Variants in ABCB1 observed in about 807,000 individuals in gnomAD.
ABCB1 encodes the protein ATP-dependent translocase ABCB1.
Under a neutral mutation model 142.0 loss-of-function variants are expected in ABCB1, and 69 were observed. The ratio of observed to expected loss-of-function variants is 0.49; its 90% CI spans 0.40 to 0.59. The LOEUF is 0.59. Ranked by LOEUF, ABCB1 falls within the 20% of genes least tolerant of loss-of-function variation. The probability of loss-of-function intolerance (pLI) is 0.00; values close to 1 mark genes in which losing one functional copy is unlikely to be tolerated. For synonymous variants in ABCB1, 532 were observed against 539.2 expected (o/e 0.99, Z 0.18); for missense variants, 1,326 against 1,554.7 (o/e 0.85, Z 2.47).
At chr7:87,639,701 A>G (rs1377052541) in intron 1 of ABCB1, among the ~76,000 whole-genome samples, 1 of 152,124 alleles carries the variant, frequency 6.6e-6, no homozygotes, top group Admixed American at 6.5e-5. Context: ...TAATACAGTT[A>G]TAATAGCTTT....
chr7:87,645,742 G>A (rs1200211740), intron 1 of ABCB1, among the ~76,000 whole-genome samples: 2 of 152,124 alleles, frequency 1.3e-5, no homozygotes, highest in East Asian at 3.8e-4. Flanking sequence ...CTTAGTTACT[G>A]TGTTATGAAG....
At chr7:87,688,117 A>G (rs1354210534) in intron 1 of ABCB1, among the ~76,000 whole-genome samples, 1 of 152,160 alleles carries the variant, frequency 6.6e-6, no homozygotes, top group East Asian at 1.9e-4. Flanking sequence ...GGCCACTCTG[A>G]GAAACACCCT....
At chr7:87,645,249 AT>A (rs1281504865) in intron 1 of ABCB1, among the ~76,000 whole-genome samples, 1 of 151,848 alleles carries the variant, frequency 6.6e-6, no homozygotes, top group East Asian at 1.9e-4. Flanking sequence ...CAACCAGCTA[AT>A]TTTTTGTATT....
chr7:87,583,281 A>G (rs1300126602), intron 4 of ABCB1, among the ~76,000 whole-genome samples: 1 of 152,238 alleles, frequency 6.6e-6, no homozygotes, highest in African/African-American at 2.4e-5. Flanking sequence ...CAACTTAATA[A>G]CTAAAGTATG....
rs56871767 is a variant in ABCB1 at position 87,549,399 on chromosome 7, C to T, written c.1674G>A (p.Thr558=). 6.9e-5 allele frequency: 112 copies of T among 1,614,072 alleles called. No individual in the cohort carries two copies. The highest frequency in any genetic ancestry group is 5.5e-4 in the Admixed American group (33 of 60,014). ...NPKILLLDEA[T]SALDTESEAV... ...CTTCGCTTTCTGTGTCCAAGGCTGA[C>T]GTGGCCTCATCCAGCAGGAGGATCT... Residue 558 remains threonine (T), a synonymous_variant, in exon 14 of 28, where the codon ACG becomes ACA. Transcript: ENST00000622132.
Position 87,694,046 on chromosome 7 carries a change from T to G in ABCB1, c.-331+19115A>C, listed in dbSNP as rs2130659464. ...GGGGAGGGCTGTATCAGTTAAGTGA[T>G]CTTTTTTAGTACATTGCATGGGTTT... On this transcript the variant is annotated intron_variant, in intron 1 of 28. Transcript: ENST00000265724. 4 of 1,572,190 alleles carry G rather than the reference T, an allele frequency of 2.5e-6. No homozygotes were observed. In the South Asian group the frequency reaches 4.8e-5, roughly 19 times the overall value.
intron 1 of ABCB1, among the ~76,000 whole-genome samples, chr7:87,673,325 T>C (rs560227526): frequency 5.0e-4 from 76 of 152,346 alleles, no homozygotes; most frequent in African/African-American, 1.7e-3. Flanking sequence ...CCAATTTCCT[T>C]GCTTTGTCTC....
Position 87,538,602 on chromosome 7 carries a change from C to A in ABCB1, c.2397+666G>T, listed in dbSNP as rs993866875. Among the ~76,000 whole-genome samples, 17 of 152,134 alleles carry A rather than the reference C, an allele frequency of 1.1e-4. 1 individual carries two copies. The highest frequency in any genetic ancestry group is 2.5e-4 in the Non-Finnish European group (17 of 68,032). ...TTTTTAAAACGGAAAGTTATTAGGT[C>A]ACATACAAAATTTTCATGATTGTTA... On this transcript the variant is annotated intron_variant, in intron 19 of 27. Transcript: ENST00000622132.
intron 2 of ABCB1, among the ~76,000 whole-genome samples, chr7:87,596,211 T>C (rs1476032604): frequency 6.6e-6 from 1 of 152,050 alleles, no homozygotes; most frequent in African/African-American, 2.4e-5. Flanking sequence ...ATCCCCTTAA[T>C]TGTCATTTGA....
chr7:87,545,727 G>T, intron 15 of ABCB1, 136 bp downstream of exon 15: 4 of 868,534 alleles, frequency 4.6e-6, no homozygotes, highest in South Asian at 1.8e-5. Flanking sequence ...TTAAACACTG[G>T]TCTCATCCTG....
intron 27 of ABCB1, 88 bp from the exon 28 acceptor site, chr7:87,504,537 G>A (rs1814636509): frequency 3.3e-5 from 50 of 1,535,840 alleles, no homozygotes; most frequent in Admixed American, 3.8e-5. Flanking sequence ...GGACGGGCAT[G>A]GTGGCTCACG....
chr7:87,654,029 A>T (rs939347823), intron 1 of ABCB1, among the ~76,000 whole-genome samples: 2 of 152,098 alleles, frequency 1.3e-5, no homozygotes, highest in African/African-American at 4.8e-5. Flanking sequence ...CTGAAGTTTG[A>T]TAGGGATAAA....
At chr7:87,555,728 G>GCA (rs969701223) in intron 8 of ABCB1, among the ~76,000 whole-genome samples, 2 of 151,916 alleles carry the variant, frequency 1.3e-5, no homozygotes, top group Non-Finnish European at 2.9e-5. Flanking sequence ...ATACACATAT[G>GCA]CACACACACA....
intron 1 of ABCB1, chr7:87,628,411 G>C (rs1820816947): frequency 6.3e-6 from 1 of 159,470 alleles, no homozygotes; most frequent in South Asian, 2.0e-4. Context: ...GCTGCCTCCC[G>C]GGCTGGGGCA....
chr7:87,622,278 G>C (rs2130099789), intron 1 of ABCB1, among the ~76,000 whole-genome samples: 1 of 152,172 alleles, frequency 6.6e-6, no homozygotes, highest in Middle Eastern at 3.4e-3. Flanking sequence ...GAAAATATGG[G>C]TAAAGGGCAT....
chr7:87,539,242 C>A (rs1383178081), intron 19 of ABCB1, 26 bp downstream of exon 19: 1 of 1,609,270 alleles, frequency 6.2e-7, no homozygotes, highest in Non-Finnish European at 8.5e-7. Context: ...CTACACATCC[C>A]AGGGCACAGC....
At chr7:87,605,065 T>C (rs567344230), upstream of ABCB1, among the ~76,000 whole-genome samples, 8 of 152,322 alleles carry the variant, frequency 5.3e-5, no homozygotes, top group South Asian at 1.0e-3. Flanking sequence ...GAAATTACAC[T>C]AGTAGGCTAA....
intron 20 of ABCB1, 33 bp from the exon 21 acceptor site, chr7:87,531,530 A>C (rs1436402028): frequency 6.3e-7 from 1 of 1,594,008 alleles, no homozygotes; most frequent in South Asian, 1.1e-5. Context: ...GAAATTTTAA[A>C]AATATTATCT....
At chr7:87,615,250 CAG>C (rs1409336175) in intron 1 of ABCB1, among the ~76,000 whole-genome samples, 1 of 152,206 alleles carries the variant, frequency 6.6e-6, no homozygotes, top group African/African-American at 2.4e-5. Flanking sequence ...AGCCTCTACA[CAG>C]AGTAAGGGCT....
Sources: gnomAD v4.1 joint callset for allele counts (sites outside exome capture counted in the v4.1 genomes callset) on GRCh38, gnomAD v4.1.1 for gene constraint, MANE v1.5 for transcripts, NCBI Gene and HGNC (gene_info 2026-07-23, HGNC 2026-07-21) for gene names.